Variants in FOSL1 observed in about 807,000 individuals in gnomAD.
FOSL1 encodes the protein FOS like 1, AP-1 transcription factor subunit.
FOSL1 carries 14 observed loss-of-function variants against 24.9 expected under a neutral mutation model. The observed-to-expected ratio is 0.56, with a 90% CI of 0.37 to 0.88. The LOEUF (loss-of-function observed/expected upper bound fraction) is 0.88, where lower values mean the gene tolerates loss of function less well. Ranked by LOEUF, FOSL1 falls within the 40% of genes least tolerant of loss-of-function variation. FOSL1 has a pLI of 0.00. For synonymous variants in FOSL1, 133 were observed against 145.1 expected (o/e 0.92, Z 0.60); for missense variants, 318 against 359.8 (o/e 0.88, Z 0.94).
chr11:65,895,940 A>G (rs1331026518), intron 2 of FOSL1, among the ~76,000 whole-genome samples: 1 of 152,196 alleles, frequency 6.6e-6, no homozygotes, highest in Non-Finnish European at 1.5e-5. Flanking sequence ...GGCTTTGGGG[A>G]GCCAAGAATT....
At chr11:65,897,485 G>A (rs536964598) in intron 1 of FOSL1, among the ~76,000 whole-genome samples, 67 of 151,838 alleles carry the variant, frequency 4.4e-4, no homozygotes, top group African/African-American at 1.6e-3. Flanking sequence ...GATTATAGGC[G>A]TGCACCACCA....
chr11:65,900,188 G>A (rs1032380457), intron 1 of FOSL1, 53 bp downstream of exon 1: 79 of 914,058 alleles, frequency 8.6e-5, no homozygotes, highest in Non-Finnish European at 1.1e-4. Context: ...AGTTGACCCC[G>A]GCCTCCCACG....
intron 2 of FOSL1, among the ~76,000 whole-genome samples, chr11:65,894,758 G>A (rs1390782121): frequency 6.6e-6 from 1 of 152,088 alleles, no homozygotes; most frequent in Non-Finnish European, 1.5e-5. Context: ...CTGGGTTCAA[G>A]TGATTCTCGT....
intron 2 of FOSL1, among the ~76,000 whole-genome samples, chr11:65,895,829 C>A (rs1040465856): frequency 6.6e-6 from 1 of 152,126 alleles, no homozygotes; most frequent in African/African-American, 2.4e-5. Context: ...AGCTTTTTAA[C>A]CTCATCCCCT....
intron 2 of FOSL1, among the ~76,000 whole-genome samples, chr11:65,895,690 C>T (rs1860509266): frequency 6.6e-6 from 1 of 152,222 alleles, no homozygotes; most frequent in African/African-American, 2.4e-5. Flanking sequence ...TGGCCCGCTT[C>T]TGCGGCTCAT....
chr11:65,895,279 A>G (rs1860498543), intron 2 of FOSL1, among the ~76,000 whole-genome samples: 2 of 152,010 alleles, frequency 1.3e-5, no homozygotes, highest in African/African-American at 4.8e-5. Flanking sequence ...GCCTTCCACC[A>G]CGCCCAGCTA....
At chr11:65,893,379 A>T in intron 3 of FOSL1, 83 bp from the exon 4 acceptor site, 147 of 652,622 alleles carry the variant, frequency 2.3e-4, no homozygotes, top group East Asian at 6.7e-4. Context: ...GGTTCTGAGG[A>T]GCTGGGGTTG....
Position 65,892,771 on chromosome 11 carries a change from G to C in FOSL1, c.*115C>G, listed in dbSNP as rs1175714669. 1.2e-5 allele frequency: 12 copies of C among 999,814 alleles called. No individual in the cohort carries two copies. The highest frequency in any genetic ancestry group is 2.9e-4 in the Middle Eastern group (1 of 3,396). The allele number at this position is 999,814 out of a possible 1,614,324, so 61.9% of individuals were successfully genotyped here. ...TATGGTCAGTCTCATTAGAGGGATG[G>C]AGAAGAAGTTGCTGGAGTTGGATGT... On this transcript the variant is annotated 3_prime_UTR_variant, in exon 4 of 4. Transcript: ENST00000312562.
chr11:65,893,357 G>T, intron 3 of FOSL1, 61 bp from the exon 4 acceptor site: 8 of 1,091,840 alleles, frequency 7.3e-6, no homozygotes, highest in African/African-American at 1.6e-5. Context: ...AGCCGCAGAC[G>T]TTTGGACTCA....
chr11:65,896,709 A>G (rs1233717693), intron 2 of FOSL1, 100 bp downstream of exon 2: 9 of 997,976 alleles, frequency 9.0e-6, no homozygotes, highest in Non-Finnish European at 1.3e-5. Flanking sequence ...AGCCTACCTT[A>G]CCCCCTCCTA....
In FOSL1 at chr11:65,896,988, T is replaced by G. The variant is rs372288292; in HGVS notation, c.118A>C (p.Ser40Arg). Residue 40 changes from serine to arginine, a missense_variant, in exon 2 of 4, where the codon AGC (serine) becomes CGC (arginine). By Grantham distance (110) the Ser-to-Arg change is moderately radical. Coordinates refer to ENST00000312562, the MANE Select transcript of FOSL1 (RefSeq NM_005438.5). ...TGACTGCCACTCATGGTGTTGATGC[T>G]TGGCACCAGGTGGAACTTCTAAGGA... ...AAQQKFHLVP[S>R]INTMSGSQEL... The G allele has an allele frequency of 4.3e-6, 7 of 1,613,940 alleles. No individual in the cohort carries two copies. The African/African-American group carries it at 9.3e-5, about 22-fold the overall frequency.
chr11:65,899,354 G>T (rs537162271), intron 1 of FOSL1, among the ~76,000 whole-genome samples: 41 of 152,322 alleles, frequency 2.7e-4, no homozygotes, highest in African/African-American at 9.4e-4. Flanking sequence ...GGCCCGGGCC[G>T]CTCCAGGCCA....
At chr11:65,900,203 G>T in intron 1 of FOSL1, 38 bp downstream of exon 1, 1 of 1,063,620 alleles carries the variant, frequency 9.4e-7, no homozygotes, top group Non-Finnish European at 1.2e-6. Flanking sequence ...CCCACGCGCG[G>T]TCCTCCCGTG....
chr11:65,896,689 A>C, intron 2 of FOSL1, 120 bp downstream of exon 2: 1 of 754,794 alleles, frequency 1.3e-6, no homozygotes, highest in Non-Finnish European at 2.1e-6. Context: ...CTTGGGCAGT[A>C]GTCACCTGTA....
Position 65,892,719 on chromosome 11 carries a change from C to T in FOSL1, c.*167G>A. On this transcript the variant is annotated 3_prime_UTR_variant, in exon 4 of 4. Coordinates refer to ENST00000312562, the MANE Select transcript of FOSL1 (RefSeq NM_005438.5). ...GAAACAGTGGGCAGCTTTGGTGGCC[C>T]CAAGCTGGCTCTACTGTGAAGCACA... is the stretch of plus-strand genomic sequence containing the variant. 1 of 743,372 alleles carries T rather than the reference C, an allele frequency of 1.3e-6. No individual in the cohort carries two copies. Among genetic ancestry groups the T allele is most frequent in the Non-Finnish European group, 2.3e-6 (1 of 425,694 alleles). 46.0% of individuals were successfully genotyped at this position (743,372 alleles called of 1,614,324 possible). A position where few individuals can be genotyped will look rare whatever the true frequency, so the allele number is the denominator to read the frequency against.
At chr11:65,893,883 T>G in intron 3 of FOSL1, 131 bp downstream of exon 3, 1 of 699,944 alleles carries the variant, frequency 1.4e-6, no homozygotes, top group Non-Finnish European at 2.6e-6. Flanking sequence ...TTTTTCCTCA[T>G]CATTTTCCCA....
chr11:65,896,240 C>T (rs1212604745), intron 2 of FOSL1, among the ~76,000 whole-genome samples: 1 of 152,164 alleles, frequency 6.6e-6, no homozygotes, highest in African/African-American at 2.4e-5. Context: ...TCATTACTCA[C>T]TACTTGTGTG....
At chr11:65,897,111 T>G in intron 1 of FOSL1, 105 bp from the exon 2 acceptor site, 2 of 833,060 alleles carry the variant, frequency 2.4e-6, no homozygotes, top group Non-Finnish European at 1.9e-6. Flanking sequence ...ACAGGCTAGC[T>G]CTGGGAACAG....
chr11:65,898,175 G>C (rs543290366), intron 1 of FOSL1, among the ~76,000 whole-genome samples: 35 of 151,486 alleles, frequency 2.3e-4, no homozygotes, highest in African/African-American at 7.8e-4. Context: ...CGAGTAGCTG[G>C]GACTACAGGC....
Sources: gnomAD v4.1 joint callset for allele counts (sites outside exome capture counted in the v4.1 genomes callset) on GRCh38, gnomAD v4.1.1 for gene constraint, MANE v1.5 for transcripts, NCBI Gene and HGNC (gene_info 2026-07-23, HGNC 2026-07-21) for gene names.